CD38: variants seen among roughly 807,000 people sequenced by gnomAD.
CD38 encodes the protein CD38 molecule.
Under a neutral mutation model 36.3 loss-of-function variants are expected in CD38, and 31 were observed. The ratio of observed to expected loss-of-function variants is 0.85; its 90% CI spans 0.64 to 1.15. The LOEUF (loss-of-function observed/expected upper bound fraction) is 1.15, where lower values mean the gene tolerates loss of function less well. Ranked by LOEUF, CD38 falls within the 50% of genes most tolerant of loss-of-function variation. The pLI is 0.00. For missense variants in CD38, 380 were observed against 371.9 expected, an observed-to-expected ratio of 1.02 and a Z score of -0.18; for synonymous variants, 131 against 135.2, an observed-to-expected ratio of 0.97 and a Z score of 0.22.
At chr4:15,812,233 T>C (rs1397850752) in intron 1 of CD38, among the ~76,000 whole-genome samples, 2 of 152,196 alleles carry the variant, frequency 1.3e-5, no homozygotes, top group African/African-American at 4.8e-5. Flanking sequence ...GAAGTTTGTG[T>C]CTTTCAACTT....
At chr4:15,801,146 T>A (rs1723214343) in intron 1 of CD38, among the ~76,000 whole-genome samples, 1 of 151,972 alleles carries the variant, frequency 6.6e-6, no homozygotes, top group Admixed American at 6.6e-5. Flanking sequence ...GAGACTATTA[T>A]GAACACCAAT....
chr4:15,786,947 C>G (rs1431600226), intron 1 of CD38, among the ~76,000 whole-genome samples: 1 of 152,242 alleles, frequency 6.6e-6, no homozygotes, highest in Non-Finnish European at 1.5e-5. Context: ...TGCTGGGGGA[C>G]TTGGCACACC....
At chr4:15,804,122 G>A (rs546134074) in intron 1 of CD38, among the ~76,000 whole-genome samples, 2 of 152,128 alleles carry the variant, frequency 1.3e-5, no homozygotes, top group African/African-American at 2.4e-5. Context: ...GAACATATAA[G>A]TGCATGTCTT....
chr4:15,786,587 T>G (rs1002397331), intron 1 of CD38, among the ~76,000 whole-genome samples: 1 of 152,098 alleles, frequency 6.6e-6, no homozygotes, highest in Non-Finnish European at 1.5e-5. Context: ...AGACACAGAG[T>G]GCTGATTGGT....
intron 1 of CD38, among the ~76,000 whole-genome samples, chr4:15,789,554 C>T (rs573246273): frequency 6.6e-6 from 1 of 152,096 alleles, no homozygotes; most frequent in African/African-American, 2.4e-5. Context: ...CACATTTGTC[C>T]CCTCCAAAAC....
intron 1 of CD38, among the ~76,000 whole-genome samples, chr4:15,782,952 T>A (rs1017632546): frequency 4.6e-5 from 7 of 152,150 alleles, no homozygotes; most frequent in African/African-American, 1.7e-4. Flanking sequence ...TTCTGCAAGT[T>A]TTTTAGTGTG....
intron 1 of CD38, among the ~76,000 whole-genome samples, chr4:15,802,871 A>T (rs1245634745): frequency 2.6e-5 from 4 of 152,172 alleles, no homozygotes; most frequent in African/African-American, 9.7e-5. Flanking sequence ...GAGCAAAAAG[A>T]ACTGGAGGGA....
At chr4:15,799,485 A>G (rs1227017312) in intron 1 of CD38, among the ~76,000 whole-genome samples, 6 of 152,198 alleles carry the variant, frequency 3.9e-5, no homozygotes, top group Non-Finnish European at 5.9e-5. Context: ...ATATAAATGG[A>G]ATACATATCA....
chr4:15,780,536 A>ACACACACACACACACACGCG (rs1560303841), intron 1 of CD38, among the ~76,000 whole-genome samples: 16 of 148,804 alleles, frequency 1.1e-4, no homozygotes, highest in African/African-American at 4.0e-4. Context: ...ACACACACAC[A>ACACACACACACACACACGCG]CACACACACA....
chr4:15,840,854 T>C (rs893065672), intron 7 of CD38, among the ~76,000 whole-genome samples: 1 of 152,194 alleles, frequency 6.6e-6, no homozygotes, highest in Non-Finnish European at 1.5e-5. Flanking sequence ...AGTCCAGGGT[T>C]CACTGGCCTA....
At chr4:15,823,645 T>C (rs1461018564) in intron 2 of CD38, among the ~76,000 whole-genome samples, 2 of 152,146 alleles carry the variant, frequency 1.3e-5, no homozygotes. Context: ...AATGGCATTA[T>C]TAAAAAGTCA....
chr4:15,785,541 T>TTCTTTC (rs769415919), intron 1 of CD38, among the ~76,000 whole-genome samples: 1 of 148,798 alleles, frequency 6.7e-6, no homozygotes, highest in Non-Finnish European at 1.5e-5. Flanking sequence ...TTCCTTTTCT[T>TTCTTTC]TTTTTTTTTA....
chr4:15,803,191 C>G (rs1405789896), intron 1 of CD38, among the ~76,000 whole-genome samples: 3 of 152,144 alleles, frequency 2.0e-5, no homozygotes, highest in Middle Eastern at 3.4e-3. Context: ...TATGAAACTA[C>G]TAAGAGAAAA....
chr4:15,849,024 A>G lies in CD38; in HGVS notation c.*422A>G, dbSNP rs897157441. 6.9e-5 allele frequency: 11 copies of G among 158,288 alleles called. No individual in the cohort carries two copies. The highest frequency in any genetic ancestry group is 2.6e-4 in the African/African-American group (11 of 41,520). The allele number at this position is 158,288 out of a possible 1,614,324, so 9.8% of individuals were successfully genotyped here. A position where few individuals can be genotyped will look rare whatever the true frequency, so the allele number is the denominator to read the frequency against. On this transcript the variant is annotated 3_prime_UTR_variant, in exon 8 of 8. Transcript: ENST00000226279. ...ATTTCCAAATGAATGACCTTGTTGCATGATGTATTTTTGTACCCTTCCTAC... is the reference window on the plus strand; with the variant it reads ...ATTTCCAAATGAATGACCTTGTTGCGTGATGTATTTTTGTACCCTTCCTAC...
Position 15,839,415 on chromosome 4 carries a change from C to CTTTT in CD38, c.660-588_660-585dup, listed in dbSNP as rs560134404. 4.7e-3 allele frequency among the ~76,000 whole-genome samples: 414 copies of CTTTT among 88,062 alleles called. 36 individuals carry two copies. Among genetic ancestry groups the CTTTT allele is most frequent in the African/African-American group, 0.019 (387 of 19,916 alleles). 57.8% of individuals were successfully genotyped at this position (88,062 alleles called of 152,430 possible). ...TTATAGTGGTTGAAATTCTACATTT[C>CTTTT]TTTTTTTTTTTTTTTTTTTTTTTTT... On this transcript the variant is annotated intron_variant, in intron 5 of 7. Transcript: ENST00000226279.
chr4:15,800,573 A>T (rs935061579), intron 1 of CD38, among the ~76,000 whole-genome samples: 1 of 152,198 alleles, frequency 6.6e-6, no homozygotes, highest in Non-Finnish European at 1.5e-5. Context: ...GGATCATCTC[A>T]TAGGCTTTTT....
chr4:15,810,734 G>T (rs1723450122), intron 1 of CD38, among the ~76,000 whole-genome samples: 1 of 152,196 alleles, frequency 6.6e-6, no homozygotes, highest in Non-Finnish European at 1.5e-5. Context: ...ATATTGGAAA[G>T]AAACCGCTGT....
intron 7 of CD38, among the ~76,000 whole-genome samples, chr4:15,841,966 G>C (rs1294934605): frequency 7.2e-6 from 1 of 138,252 alleles, no homozygotes; most frequent in Non-Finnish European, 1.5e-5. Context: ...ACTGCAAGGC[G>C]GCAACGAGGC....
At position 15,848,703 on chromosome 4, in the gene CD38, G is replaced by A; in HGVS notation, c.*101G>A. 2.2e-6 allele frequency: 2 copies of A among 907,884 alleles called. No homozygotes were observed. The highest frequency in any genetic ancestry group is 3.5e-6 in the Non-Finnish European group (2 of 566,992). 56.2% of individuals were successfully genotyped at this position (907,884 alleles called of 1,614,324 possible). Reference sequence around the variant, plus strand: ...GGTGCAGAGCTGAAGATTTTGGAGGGTCCTCCACAATAAGGTCAATGCCAG... The same window carrying A: ...GGTGCAGAGCTGAAGATTTTGGAGGATCCTCCACAATAAGGTCAATGCCAG... On this transcript the variant is annotated 3_prime_UTR_variant, in exon 8 of 8. Transcript: ENST00000226279.
Sources: gnomAD v4.1 joint callset for allele counts (sites outside exome capture counted in the v4.1 genomes callset) on GRCh38, gnomAD v4.1.1 for gene constraint, MANE v1.5 for transcripts, NCBI Gene and HGNC (gene_info 2026-07-23, HGNC 2026-07-21) for gene names.